The following ATRNL1 variants were observed in gnomAD, a reference collection of about 807,000 sequenced individuals.
ATRNL1 encodes the protein attractin-like protein 1.
ATRNL1 carries 95 observed loss-of-function variants against 182.7 expected under a neutral mutation model. The ratio of observed to expected loss-of-function variants is 0.52; its 90% CI spans 0.44 to 0.62. ATRNL1 has a LOEUF of 0.62. Ranked by LOEUF, ATRNL1 falls within the 20% of genes least tolerant of loss-of-function variation. ATRNL1 has a pLI of 0.00. For missense variants in ATRNL1, 1,471 were observed against 1,679.5 expected (o/e 0.88, Z 2.17); for synonymous variants, 576 against 568.3 (o/e 1.01, Z -0.19).
chr10:115,874,539 T>C lies in ATRNL1; in HGVS notation c.4018+26548T>C, dbSNP rs78977150. Among the ~76,000 whole-genome samples the C allele has an allele frequency of 2.1e-3, 319 of 152,336 alleles. 1 individual carries two copies. The highest frequency in any genetic ancestry group is 7.4e-3 in the African/African-American group (306 of 41,580). ...CAAACTGTAGGAATACAAAAGAACA[T>C]TTAGATAATCACTTCTCTGAAGGAA... On this transcript the variant is annotated intron_variant, in intron 28 of 28. Transcript: ENST00000355044.
chr10:115,929,185 A>T (rs1178025528), intron 28 of ATRNL1, among the ~76,000 whole-genome samples: 1 of 152,036 alleles, frequency 6.6e-6, no homozygotes, highest in Non-Finnish European at 1.5e-5. Flanking sequence ...TTATGTTTTT[A>T]AAAAGGAAAA....
At chr10:115,244,034 A>G (rs1187878693) in intron 10 of ATRNL1, among the ~76,000 whole-genome samples, 2 of 152,110 alleles carry the variant, frequency 1.3e-5, no homozygotes, top group East Asian at 3.9e-4. Flanking sequence ...TTTCAAAATA[A>G]TTGTTTTCCT....
chr10:115,864,506 CAAA>C (rs1951389423), intron 28 of ATRNL1, among the ~76,000 whole-genome samples: 1 of 152,104 alleles, frequency 6.6e-6, no homozygotes, highest in African/African-American at 2.4e-5. Flanking sequence ...TTATTGATTA[CAAA>C]GGGGAAAGCA....
intron 28 of ATRNL1, among the ~76,000 whole-genome samples, chr10:115,860,023 C>T (rs529691132): frequency 2.6e-5 from 4 of 152,146 alleles, no homozygotes; most frequent in South Asian, 2.1e-4. Flanking sequence ...AGGCTTCTCT[C>T]ACTGATGGGT....
intron 3 of ATRNL1, among the ~76,000 whole-genome samples, chr10:115,125,779 C>G (rs1476970869): frequency 6.6e-6 from 1 of 152,260 alleles, no homozygotes; most frequent in African/African-American, 2.4e-5. Flanking sequence ...TTCACTTTTT[C>G]TTTCCTTCAT....
chr10:115,264,234 A>G (rs1403874783), intron 10 of ATRNL1, among the ~76,000 whole-genome samples: 2 of 151,698 alleles, frequency 1.3e-5, no homozygotes, highest in East Asian at 3.8e-4. Context: ...TCATTAATAA[A>G]ATATTGAGTT....
At chr10:115,335,549 G>A (rs1193324747) in intron 19 of ATRNL1, among the ~76,000 whole-genome samples, 2 of 152,174 alleles carry the variant, frequency 1.3e-5, no homozygotes, top group African/African-American at 4.8e-5. Flanking sequence ...GGGGAATGAT[G>A]AACTGATTCA....
intron 19 of ATRNL1, among the ~76,000 whole-genome samples, chr10:115,368,513 C>T (rs537578555): frequency 3.9e-5 from 6 of 152,208 alleles, no homozygotes; most frequent in South Asian, 2.1e-4. Context: ...AGCTGTAGAC[C>T]AGAGCTGTTC....
At chr10:115,233,675 A>G (rs1850055505) in intron 9 of ATRNL1, among the ~76,000 whole-genome samples, 1 of 152,144 alleles carries the variant, frequency 6.6e-6, no homozygotes, top group Admixed American at 6.5e-5. Flanking sequence ...ATCATTATAA[A>G]GAAAGGTCTC....
At chr10:115,666,500 A>G (rs868909525) in intron 26 of ATRNL1, among the ~76,000 whole-genome samples, 41 of 152,230 alleles carry the variant, frequency 2.7e-4, no homozygotes, top group Middle Eastern at 6.8e-3. Context: ...TAGAGTTCAG[A>G]CTTATTATTT....
At chr10:115,587,812 T>C (rs1158140844) in intron 26 of ATRNL1, among the ~76,000 whole-genome samples, 2 of 151,844 alleles carry the variant, frequency 1.3e-5, no homozygotes, top group Non-Finnish European at 2.9e-5. Flanking sequence ...CACTAAACTT[T>C]TAAAGTAGAT....
chr10:115,754,161 AAGCTCTTT>A (rs1948524018), intron 27 of ATRNL1, among the ~76,000 whole-genome samples: 1 of 152,184 alleles, frequency 6.6e-6, no homozygotes, highest in African/African-American at 2.4e-5. Flanking sequence ...TGCTCTGCAG[AAGCTCTTT>A]AGTATAATTA....
In ATRNL1 at chr10:115,361,060, G is replaced by T. The variant is rs192601950; in HGVS notation, c.3175+26641G>T. ...TCTGCCAGACTTCATCACTGTAAAG[G>T]TGCTATTTTATCCTTTACAATGAAT... On this transcript the variant is annotated intron_variant, in intron 19 of 28. Coordinates refer to ENST00000355044, the MANE Select transcript of ATRNL1 (RefSeq NM_207303.4). Among the ~76,000 whole-genome samples the T allele has an allele frequency of 2.8e-4, 42 of 151,952 alleles. 1 individual carries two copies. Among genetic ancestry groups the T allele is most frequent in the African/African-American group, 1.0e-3 (42 of 41,494 alleles).
chr10:115,284,250 C>T (rs1554917889), intron 14 of ATRNL1, among the ~76,000 whole-genome samples: 1 of 151,956 alleles, frequency 6.6e-6, no homozygotes, highest in Non-Finnish European at 1.5e-5. Flanking sequence ...CCACAAAGGC[C>T]CATGCATTTG....
chr10:115,808,116 G>A (rs546184141), intron 27 of ATRNL1, among the ~76,000 whole-genome samples: 34 of 152,228 alleles, frequency 2.2e-4, no homozygotes, highest in Non-Finnish European at 2.9e-4. Flanking sequence ...AACAATAAGT[G>A]ATTGAAACAA....
chr10:115,382,065 A>G (rs1325612561), intron 19 of ATRNL1, among the ~76,000 whole-genome samples: 2 of 152,120 alleles, frequency 1.3e-5, no homozygotes, highest in African/African-American at 2.4e-5. Context: ...CACAATTTAT[A>G]TTTATACCAG....
intron 27 of ATRNL1, among the ~76,000 whole-genome samples, chr10:115,758,602 G>C (rs1948653392): frequency 6.6e-6 from 1 of 152,184 alleles, no homozygotes. Context: ...TATACACGGG[G>C]GTGTCAGGGA....
chr10:115,431,610 A>T (rs1350377871), intron 21 of ATRNL1, among the ~76,000 whole-genome samples: 4 of 151,880 alleles, frequency 2.6e-5, no homozygotes, highest in Non-Finnish European at 5.9e-5. Context: ...GTATGTATTT[A>T]TTTATTTAAA....
At chr10:115,932,897 C>T (rs1239282974) in intron 28 of ATRNL1, among the ~76,000 whole-genome samples, 2 of 152,108 alleles carry the variant, frequency 1.3e-5, no homozygotes, top group African/African-American at 4.8e-5. Flanking sequence ...CACATAAATA[C>T]TATGGAAAAT....
Sources: gnomAD v4.1 joint callset for allele counts (sites outside exome capture counted in the v4.1 genomes callset) on GRCh38, gnomAD v4.1.1 for gene constraint, MANE v1.5 for transcripts, NCBI Gene and HGNC (gene_info 2026-07-23, HGNC 2026-07-21) for gene names.